The following CSDE1 variants were observed in gnomAD, a reference collection of about 807,000 sequenced individuals.
The protein encoded by CSDE1 is cold shock domain containing E1.
In CSDE1, 17 loss-of-function variants were observed where a neutral mutation model predicts 89.3. The ratio of observed to expected loss-of-function variants is 0.19; its 90% CI spans 0.13 to 0.29. CSDE1 has a LOEUF of 0.29. CSDE1 is among the 10% of genes least tolerant of loss of function. The pLI, the probability that CSDE1 is intolerant of heterozygous loss-of-function variation, is 1.00. For synonymous variants in CSDE1, 322 were observed against 332.8 expected (o/e 0.97, Z 0.35); for missense variants, 672 against 984.2 (o/e 0.68, Z 4.24).
At chr1:114,745,338 A>G (rs1334407986) in intron 2 of CSDE1, among the ~76,000 whole-genome samples, 1 of 152,252 alleles carries the variant, frequency 6.6e-6, no homozygotes, top group East Asian at 1.9e-4. Context: ...AACACACTTT[A>G]TAGCTCAAGA....
At position 114,738,048 on chromosome 1, in the gene CSDE1, G is replaced by A; in HGVS notation, c.224C>T (p.Ser75Leu). 9 of 1,613,542 alleles carry A rather than the reference G, an allele frequency of 5.6e-6. No homozygotes were observed. The highest frequency in any genetic ancestry group is 7.6e-6 in the Non-Finnish European group (9 of 1,179,504). ...VGDDVEFEVS[S>L]DRRTGKPIAV... ...AATGGGTTTCCCAGTCCGTCGGTCC[G>A]ATGATACTTCAAATTCAACATCATC... Residue 75 changes from serine to leucine, a missense_variant, in exon 4 of 20, where the codon TCG becomes TTG. Around this residue, in one of 8 missense-constraint regions of CSDE1, gnomAD observed 34 missense variants for 73.3 expected, o/e 0.46. Coordinates refer to ENST00000358528, the MANE Select transcript of CSDE1 (RefSeq NM_001007553.3).
intron 1 of CSDE1, among the ~76,000 whole-genome samples, chr1:114,753,786 T>C (rs950271913): frequency 3.3e-5 from 5 of 152,056 alleles, no homozygotes; most frequent in Non-Finnish European, 5.9e-5. Context: ...TGTGGTGGCA[T>C]GCACCTGTAG....
In CSDE1 at chr1:114,734,129, T is replaced by A; in HGVS notation, c.583-12A>T. 1 of 1,600,408 alleles carries A rather than the reference T, an allele frequency of 6.2e-7. No homozygotes were observed. Among genetic ancestry groups the A allele is most frequent in the Non-Finnish European group, 8.5e-7 (1 of 1,177,018 alleles). On this transcript the variant is annotated splice_polypyrimidine_tract_variant and intron_variant, in intron 7 of 19. Coordinates refer to ENST00000358528, the MANE Select transcript of CSDE1 (RefSeq NM_001007553.3). ...AAGCCAAATGCCTCCTGAAGCAAAA[T>A]AAAAAACCAAGAACATTATTACCAC... is the stretch of plus-strand genomic sequence containing the variant.
At chr1:114,743,450 G>A (rs72687886) in intron 2 of CSDE1, among the ~76,000 whole-genome samples, 30,764 of 152,064 alleles carry the variant, frequency 0.2, 3,565 homozygotes, top group Non-Finnish European at 0.25. Context: ...CCTGCACTGC[G>A]CCCTGGCCTC....
intron 7 of CSDE1, 53 bp from the exon 8 acceptor site, chr1:114,734,170 G>A: frequency 6.4e-7 from 1 of 1,564,334 alleles, no homozygotes; most frequent in East Asian, 2.2e-5. Flanking sequence ...ACAAATTTAT[G>A]ATTACAACTT....
At chr1:114,755,234 T>A (rs1328528199) in intron 1 of CSDE1, among the ~76,000 whole-genome samples, 1 of 152,202 alleles carries the variant, frequency 6.6e-6, no homozygotes, top group African/African-American at 2.4e-5. Context: ...AGAGTAGGTA[T>A]AAACTGAGCA....
chr1:114,746,359 C>G (rs1053324070), intron 2 of CSDE1, among the ~76,000 whole-genome samples: 1 of 152,116 alleles, frequency 6.6e-6, no homozygotes, highest in Non-Finnish European at 1.5e-5. Flanking sequence ...CTTCACAAAT[C>G]ACATTAGCGA....
At chr1:114,739,305 A>C (rs1407995296) in intron 3 of CSDE1, among the ~76,000 whole-genome samples, 1 of 152,226 alleles carries the variant, frequency 6.6e-6, no homozygotes, top group Non-Finnish European at 1.5e-5. Flanking sequence ...TGCTGGGATT[A>C]CAGGCGTAAG....
At chr1:114,738,843 G>A (rs1489994271) in intron 3 of CSDE1, among the ~76,000 whole-genome samples, 5 of 151,328 alleles carry the variant, frequency 3.3e-5, no homozygotes, top group Non-Finnish European at 5.9e-5. Flanking sequence ...GCTAATTTTT[G>A]CATTTTTTGT....
At chr1:114,746,057 A>C (rs1166345996) in intron 2 of CSDE1, among the ~76,000 whole-genome samples, 1 of 152,178 alleles carries the variant, frequency 6.6e-6, no homozygotes, top group Non-Finnish European at 1.5e-5. Flanking sequence ...ACTGATTGAC[A>C]ATCAATTTGG....
At chr1:114,724,072 A>G (rs867195082) in intron 15 of CSDE1, 70 bp from the exon 16 acceptor site, 2 of 1,523,864 alleles carry the variant, frequency 1.3e-6, no homozygotes, top group Middle Eastern at 1.8e-4. Context: ...CAAGTAAGCA[A>G]AAAATAACAG....
At chr1:114,752,965 T>A (rs2101092945) in intron 1 of CSDE1, among the ~76,000 whole-genome samples, 1 of 152,318 alleles carries the variant, frequency 6.6e-6, no homozygotes, top group Middle Eastern at 3.4e-3. Flanking sequence ...AGGAAAAAGG[T>A]AGTTAATCCT....
In CSDE1 at chr1:114,754,045, T is replaced by C. The variant is rs147283249; in HGVS notation, c.-387-3838A>G. Among the ~76,000 whole-genome samples the C allele has an allele frequency of 3.5e-3, 530 of 152,306 alleles. 4 individuals are homozygous for C. The highest frequency in any genetic ancestry group is 7.6e-3 in the African/African-American group (318 of 41,578). ...CTTTTCCCTTTGCTCAGCATGGAAA[T>C]AGTATTATTACTTAATCACTGCAAT... On this transcript the variant is annotated intron_variant, in intron 1 of 19. Transcript: ENST00000358528.
intron 2 of CSDE1, among the ~76,000 whole-genome samples, chr1:114,741,138 T>C (rs1660704228): frequency 6.6e-6 from 1 of 152,180 alleles, no homozygotes; most frequent in African/African-American, 2.4e-5. Context: ...ATTCGCCTCA[T>C]TTTACCAATG....
chr1:114,722,490 G>A (rs1246190947), intron 16 of CSDE1, among the ~76,000 whole-genome samples: 2 of 152,228 alleles, frequency 1.3e-5, no homozygotes, highest in African/African-American at 4.8e-5. Context: ...TTACAGTTGT[G>A]TTCCTGAATA....
At position 114,719,357 on chromosome 1, in the gene CSDE1, AG is replaced by A. The variant is rs1225375513; in HGVS notation, c.2216+221del. On this transcript the variant is annotated intron_variant, in intron 18 of 19. Transcript: ENST00000358528. ...TGGCTAAACTATTAGAATTTTAAGT[AG>A]CATATAACCTAGAAATGACTTAATG... Among the ~76,000 whole-genome samples, 3 of 152,336 alleles carry A rather than the reference AG, an allele frequency of 2.0e-5. No individual in the cohort carries two copies. In the East Asian group the frequency reaches 5.8e-4, roughly 29 times the overall value.
chr1:114,738,446 GT>G (rs1011491504), intron 3 of CSDE1, among the ~76,000 whole-genome samples: 2 of 149,038 alleles, frequency 1.3e-5, no homozygotes, highest in Admixed American at 6.7e-5. Context: ...CCTTTGGCGA[GT>G]TTTTTTTTTA....
intron 1 of CSDE1, among the ~76,000 whole-genome samples, chr1:114,754,859 T>C (rs552236891): frequency 2.0e-5 from 3 of 152,312 alleles, no homozygotes; most frequent in South Asian, 4.1e-4. Context: ...TAACTGCTTA[T>C]ATATACACCC....
chr1:114,723,375 G>C (rs1659628666), intron 16 of CSDE1, among the ~76,000 whole-genome samples: 1 of 152,100 alleles, frequency 6.6e-6, no homozygotes. Context: ...GGGGAAAAAA[G>C]AAGAAGAAAG....
Sources: gnomAD v4.1 joint callset for allele counts (sites outside exome capture counted in the v4.1 genomes callset) on GRCh38, gnomAD v4.1.1 for gene constraint, gnomAD v4.1.1 regional missense constraint, MANE v1.5 for transcripts, NCBI Gene and HGNC (gene_info 2026-07-23, HGNC 2026-07-21) for gene names.